DIS3L2: variants seen among roughly 807,000 people sequenced by gnomAD.
The protein encoded by DIS3L2 is DIS3-like exonuclease 2.
A neutral mutation model predicts 97.5 loss-of-function variants in DIS3L2; 34 were observed. That is an observed-to-expected ratio of 0.35 (90% CI 0.27 to 0.46). The LOEUF is 0.46. Ranked by LOEUF, DIS3L2 falls within the 20% of genes least tolerant of loss-of-function variation. The pLI, the probability that DIS3L2 is intolerant of heterozygous loss-of-function variation, is 1.00. For missense variants in DIS3L2, 1,038 were observed against 1,146.0 expected (o/e 0.91, Z 1.36); for synonymous variants, 435 against 445.2 (o/e 0.98, Z 0.29).
At chr2:232,251,593 C>T (rs1693418977) in intron 12 of DIS3L2, among the ~76,000 whole-genome samples, 1 of 152,142 alleles carries the variant, frequency 6.6e-6, no homozygotes, top group South Asian at 2.1e-4. Flanking sequence ...TGTGATTTTC[C>T]ATATTGAAAG....
intron 13 of DIS3L2, 53 bp downstream of exon 13, chr2:232,263,493 C>A: frequency 1.3e-6 from 2 of 1,571,380 alleles, no homozygotes; most frequent in Non-Finnish European, 8.7e-7. Context: ...TGCCTGAACC[C>A]AGCGTGGATG....
chr2:232,137,166 T>G (rs1698383448), intron 8 of DIS3L2, among the ~76,000 whole-genome samples: 1 of 152,194 alleles, frequency 6.6e-6, no homozygotes. Context: ...TCTTTTTCGG[T>G]ATTGATTTTG....
intron 5 of DIS3L2, among the ~76,000 whole-genome samples, chr2:232,040,634 A>G (rs1475995063): frequency 6.6e-6 from 1 of 152,232 alleles, no homozygotes; most frequent in Non-Finnish European, 1.5e-5. Flanking sequence ...ATATGCATAT[A>G]TAAACCCTGT....
intron 14 of DIS3L2, among the ~76,000 whole-genome samples, chr2:232,306,827 A>G (rs1333967916): frequency 6.6e-6 from 1 of 152,212 alleles, no homozygotes; most frequent in East Asian, 1.9e-4. Flanking sequence ...TGCCTGCCAT[A>G]CAGACCCATC....
intron 14 of DIS3L2, among the ~76,000 whole-genome samples, chr2:232,308,327 C>T (rs1313740071): frequency 6.6e-6 from 1 of 152,196 alleles, no homozygotes; most frequent in Non-Finnish European, 1.5e-5. Context: ...GACAGTGAGG[C>T]CAGCAGTTGC....
At chr2:232,099,582 C>A (rs542492841) in intron 6 of DIS3L2, among the ~76,000 whole-genome samples, 2 of 152,222 alleles carry the variant, frequency 1.3e-5, no homozygotes, top group Admixed American at 1.3e-4. Flanking sequence ...TGTTTAGAAT[C>A]AAGATTATAA....
At position 232,337,187 on chromosome 2, in the gene DIS3L2, A is replaced by G. The variant is rs1695987986; in HGVS notation, c.*557A>G. On this transcript the variant is annotated 3_prime_UTR_variant, in exon 21 of 21. Coordinates refer to ENST00000325385, the MANE Select transcript of DIS3L2 (RefSeq NM_152383.5). ...CTGCCTGATTAAAAATGGAATTAGT[A>G]TGCAACACTGAGAGCGCCCCCATCA... 2.0e-6 allele frequency: 2 copies of G among 994,504 alleles called. No homozygotes were observed. Among genetic ancestry groups the G allele is most frequent in the Non-Finnish European group, 1.2e-6 (1 of 837,032 alleles). The allele number at this position is 994,504 out of a possible 1,614,324, so 61.6% of individuals were successfully genotyped here.
chr2:232,126,391 G>T (rs1222777027), intron 6 of DIS3L2, among the ~76,000 whole-genome samples: 1 of 152,226 alleles, frequency 6.6e-6, no homozygotes, highest in East Asian at 1.9e-4. Context: ...TCAGAGACAG[G>T]CAGGCCAAGA....
intron 3 of DIS3L2, among the ~76,000 whole-genome samples, chr2:232,023,830 C>T (rs112592681): frequency 6.6e-6 from 1 of 152,120 alleles, no homozygotes; most frequent in Non-Finnish European, 1.5e-5. Context: ...TGGAAATCAA[C>T]CTGTACCACT....
rs530010456 is a variant in DIS3L2, at chr2:232,336,828, C to T, written c.*198C>T. The T allele has an allele frequency of 2.1e-6, 3 of 1,412,092 alleles. No individual in the cohort carries two copies. In the East Asian group the frequency reaches 8.0e-5, roughly 38 times the overall value. The allele number at this position is 1,412,092 out of a possible 1,614,324, so 87.5% of individuals were successfully genotyped here. Reference sequence around the variant, plus strand: ...GTGGGGCTGGAAGGAAGGCTGAGGCCTGGTCAGCAGTGACCCCAGCAGAGC... The same window carrying T: ...GTGGGGCTGGAAGGAAGGCTGAGGCTTGGTCAGCAGTGACCCCAGCAGAGC... On this transcript the variant is annotated 3_prime_UTR_variant, in exon 21 of 21. Transcript: ENST00000325385.
intron 9 of DIS3L2, among the ~76,000 whole-genome samples, chr2:232,184,531 G>T: frequency 6.6e-6 from 1 of 152,034 alleles, no homozygotes; most frequent in East Asian, 1.9e-4. Context: ...TGTGCCTGTA[G>T]TCCCACTACT....
chr2:232,244,199 G>A (rs1430199320), intron 11 of DIS3L2, among the ~76,000 whole-genome samples: 3 of 152,216 alleles, frequency 2.0e-5, no homozygotes, highest in Non-Finnish European at 4.4e-5. Flanking sequence ...GAGAGCGTTA[G>A]AATGTCAGAT....
chr2:232,029,149 T>C (rs1559554338), intron 4 of DIS3L2, among the ~76,000 whole-genome samples: 1 of 152,216 alleles, frequency 6.6e-6, no homozygotes, highest in Non-Finnish European at 1.5e-5. Flanking sequence ...TCCAGACTCT[T>C]TTGCTGTCAC....
At chr2:232,194,495 G>A (rs543035742) in intron 9 of DIS3L2, among the ~76,000 whole-genome samples, 8 of 152,292 alleles carry the variant, frequency 5.3e-5, no homozygotes, top group Non-Finnish European at 1.0e-4. Context: ...ATAGTTTGAA[G>A]CCAAATCATG....
intron 5 of DIS3L2, among the ~76,000 whole-genome samples, chr2:232,048,730 C>CA (rs773587883): frequency 0.035 from 4,365 of 124,414 alleles, 94 homozygotes; most frequent in African/African-American, 0.06. Context: ...GACTCCCTCT[C>CA]AAAAAAAAAA....
At position 232,294,137 on chromosome 2, in the gene DIS3L2, C is replaced by T. The variant is rs914851582; in HGVS notation, c.1660-5903C>T. 4.6e-5 allele frequency among the ~76,000 whole-genome samples: 7 copies of T among 152,220 alleles called. No individual in the cohort carries two copies. In the East Asian group the frequency reaches 9.6e-4, roughly 21 times the overall value. ...CAGAAGCACTCAACAAGCATCCCCT[C>T]GTACCTCATTGGCCTCGGTTGGGTC... On this transcript the variant is annotated intron_variant, in intron 13 of 20. Transcript: ENST00000325385.
rs968496794 is a variant in DIS3L2 at position 232,015,626 on chromosome 2, C to G, written c.165C>G (p.Ser55=). The G allele has an allele frequency of 3.1e-6, 5 of 1,613,924 alleles. No individual in the cohort carries two copies. Among genetic ancestry groups the G allele is most frequent in the Non-Finnish European group, 4.2e-6 (5 of 1,179,908 alleles). The change falls in exon 3 of 21, where the codon TCC becomes TCG. Residue 55 remains serine, a synonymous_variant. Coordinates refer to ENST00000325385, the MANE Select transcript of DIS3L2 (RefSeq NM_152383.5). ...AGAGCATATTTGAAACTTACATGTC[C>G]AAGGAGGATGTTTCAGAAGGCTTGA... ...KKKSIFETYM[S]KEDVSEGLKR...
At chr2:232,329,785 T>TCCCCGGGGGGGGGCCCCCCCCC in intron 14 of DIS3L2, 28 bp from the exon 15 acceptor site, 1 of 967,140 alleles carries the variant, frequency 1.0e-6, no homozygotes, top group Non-Finnish European at 1.5e-6. Context: ...ACCCCAGCGG[T>TCCCCGGGGGGGGGCCCCCCCCC]CCCTCCCATC....
At chr2:232,157,204 AC>A (rs1455085933) in intron 8 of DIS3L2, among the ~76,000 whole-genome samples, 1 of 152,208 alleles carries the variant, frequency 6.6e-6, no homozygotes, top group Non-Finnish European at 1.5e-5. Context: ...CCCCAGAGGT[AC>A]TAAAACCTTT....
Sources: allele counts gnomAD v4.1 joint callset (sites outside exome capture counted in the v4.1 genomes callset), GRCh38; gene constraint gnomAD v4.1.1; transcripts MANE v1.5; gene names NCBI Gene and HGNC (gene_info 2026-07-23, HGNC 2026-07-21).